The following CACNB4 variants were observed in gnomAD, a reference collection of about 807,000 sequenced individuals.
CACNB4 encodes voltage-dependent L-type calcium channel subunit beta-4.
CACNB4 carries 32 observed loss-of-function variants against 71.2 expected under a neutral mutation model. The observed-to-expected ratio is 0.45, with a 90% CI of 0.34 to 0.60. The LOEUF is 0.60. Among genes scored for constraint, CACNB4 ranks in the 20% least tolerant of loss-of-function variants. The pLI is 0.01. For synonymous variants in CACNB4, 231 were observed against 236.9 expected (o/e 0.97, Z 0.23); for missense variants, 464 against 647.9 (o/e 0.72, Z 3.08).
At position 151,836,490 on chromosome 2, in the gene CACNB4, T is replaced by TA. The variant is rs1233944441; in HGVS notation, c.*2628dup. On this transcript the variant is annotated 3_prime_UTR_variant, in exon 14 of 14. Transcript: ENST00000539935. ...TGTATATCCCCTTATTTGAGGAAGA[T>TA]AAACTTATTACAGAAAGAAGGGGAA... 1.3e-5 allele frequency: 2 copies of TA among 151,840 alleles called. No homozygotes were observed. The highest frequency in any genetic ancestry group is 6.6e-5 in the Admixed American group (1 of 15,240). 9.4% of individuals were successfully genotyped at this position (151,840 alleles called of 1,614,324 possible). A position where few individuals can be genotyped will look rare whatever the true frequency, so the allele number is the denominator to read the frequency against.
rs547338749 is a variant in CACNB4 at position 151,942,237 on chromosome 2, C to A, written c.148-58867G>T. Reference sequence around the variant, plus strand: ...GTGCTGTGTTGCAGGAAGTCAGGGACCCCAAATGGAGGGACTGGCTGGAGC... The same window carrying A: ...GTGCTGTGTTGCAGGAAGTCAGGGAACCCAAATGGAGGGACTGGCTGGAGC... On this transcript the variant is annotated intron_variant, in intron 2 of 13. Transcript: ENST00000539935. Among the ~76,000 whole-genome samples, 3 of 149,278 alleles carry A rather than the reference C, an allele frequency of 2.0e-5. No homozygotes were observed. The South Asian group carries it at 6.2e-4, about 31-fold the overall frequency.
intron 12 of CACNB4, among the ~76,000 whole-genome samples, chr2:151,848,380 G>A (rs1237276001): frequency 6.6e-6 from 1 of 152,186 alleles, no homozygotes; most frequent in East Asian, 1.9e-4. Flanking sequence ...ACATCCAGGG[G>A]CTGTGAATAA....
chr2:152,076,501 G>C (rs1476919233), intron 2 of CACNB4, among the ~76,000 whole-genome samples: 1 of 151,930 alleles, frequency 6.6e-6, no homozygotes, highest in Non-Finnish European at 1.5e-5. Flanking sequence ...ACTGTAGTTT[G>C]TGTTTGGGCT....
intron 2 of CACNB4, among the ~76,000 whole-genome samples, chr2:152,096,828 T>C (rs1688293500): frequency 6.6e-6 from 1 of 152,188 alleles, no homozygotes; most frequent in African/African-American, 2.4e-5. Flanking sequence ...AATAAAGCAT[T>C]AGTGCAGTTA....
At chr2:151,953,637 T>C (rs1309203193) in intron 2 of CACNB4, among the ~76,000 whole-genome samples, 4 of 152,174 alleles carry the variant, frequency 2.6e-5, no homozygotes, top group Non-Finnish European at 5.9e-5. Context: ...TAAGTCCAGT[T>C]CTTTTTACAA....
At chr2:152,081,079 C>T (rs1687332978) in intron 2 of CACNB4, among the ~76,000 whole-genome samples, 1 of 152,126 alleles carries the variant, frequency 6.6e-6, no homozygotes, top group Non-Finnish European at 1.5e-5. Flanking sequence ...CTCAGGTATT[C>T]TTTTATAGCA....
At chr2:151,938,279 T>C (rs2099863423) in intron 2 of CACNB4, among the ~76,000 whole-genome samples, 1 of 152,234 alleles carries the variant, frequency 6.6e-6, no homozygotes, top group Admixed American at 6.5e-5. Context: ...CCTGGCCAAC[T>C]ATGTCAACTC....
chr2:152,005,498 C>G (rs1682670951), intron 2 of CACNB4, among the ~76,000 whole-genome samples: 1 of 152,146 alleles, frequency 6.6e-6, no homozygotes, highest in Admixed American at 6.5e-5. Flanking sequence ...AAGATGGGAA[C>G]AAGAGACAAT....
At chr2:152,042,779 C>T (rs1684943340) in intron 2 of CACNB4, among the ~76,000 whole-genome samples, 1 of 152,016 alleles carries the variant, frequency 6.6e-6, no homozygotes, top group Non-Finnish European at 1.5e-5. Flanking sequence ...AGGCCGAGAC[C>T]TACTGGGCTG....
chr2:152,077,282 C>T (rs551530695), intron 2 of CACNB4, among the ~76,000 whole-genome samples: 3 of 152,228 alleles, frequency 2.0e-5, no homozygotes, highest in South Asian at 2.1e-4. Context: ...TGGCCAGGCA[C>T]GGTGGCTCAT....
At chr2:151,995,029 T>C (rs897245569) in intron 2 of CACNB4, among the ~76,000 whole-genome samples, 1 of 152,188 alleles carries the variant, frequency 6.6e-6, no homozygotes, top group African/African-American at 2.4e-5. Context: ...AACAAGGAAT[T>C]AAATAAATTT....
rs560089298 is a variant in CACNB4, at chr2:151,914,042, T to A, written c.148-30672A>T. 2.5e-4 allele frequency among the ~76,000 whole-genome samples: 38 copies of A among 152,318 alleles called. No individual in the cohort carries two copies. In the East Asian group the frequency reaches 6.0e-3, roughly 24 times the overall value. On this transcript the variant is annotated intron_variant, in intron 2 of 13. Transcript: ENST00000539935. Reference sequence around the variant, plus strand: ...GCCTGTCTTGCTAGGTTGGGGAAGTTCTCCTGGATAATAACCTGAAGTGTG... The same window carrying A: ...GCCTGTCTTGCTAGGTTGGGGAAGTACTCCTGGATAATAACCTGAAGTGTG...
chr2:151,980,246 C>T (rs1020335698), intron 2 of CACNB4, among the ~76,000 whole-genome samples: 12 of 152,248 alleles, frequency 7.9e-5, no homozygotes, highest in African/African-American at 2.6e-4. Context: ...CTTTCGGTGG[C>T]TTCCCATCGA....
rs150853346 is a variant in CACNB4 at position 152,083,085 on chromosome 2, G to C, written c.147+15245C>G. On this transcript the variant is annotated intron_variant, in intron 2 of 13. Transcript: ENST00000539935. ...TAGGAAACTGCCCTCCCCAATCTCA[G>C]CCACTGTGGGGCTGACCTCAATCTC... Among the ~76,000 whole-genome samples, 1,195 of 152,262 alleles carry C rather than the reference G, an allele frequency of 7.8e-3. 8 individuals carry two copies. The highest frequency in any genetic ancestry group is 0.015 in the Non-Finnish European group (1,000 of 68,012).
chr2:152,019,337 C>T (rs573203352), intron 2 of CACNB4, among the ~76,000 whole-genome samples: 10 of 152,272 alleles, frequency 6.6e-5, no homozygotes, highest in South Asian at 2.1e-4. Flanking sequence ...CTCACTTCTA[C>T]GTTTGATGGT....
At chr2:151,906,921 T>C (rs542561536) in intron 2 of CACNB4, among the ~76,000 whole-genome samples, 1 of 152,316 alleles carries the variant, frequency 6.6e-6, no homozygotes, top group Middle Eastern at 3.4e-3. Context: ...CTGATAACCT[T>C]TTTCAGGCTT....
chr2:151,883,526 A>G (rs759054198), intron 2 of CACNB4, 156 bp from the exon 3 acceptor site: 1 of 704,962 alleles, frequency 1.4e-6, no homozygotes, highest in South Asian at 1.6e-5. Flanking sequence ...GGCAGAATAT[A>G]GTTAAGCATC....
intron 2 of CACNB4, among the ~76,000 whole-genome samples, chr2:152,040,760 G>T (rs1684833739): frequency 6.6e-6 from 1 of 152,132 alleles, no homozygotes; most frequent in East Asian, 1.9e-4. Flanking sequence ...AATTTAAAAA[G>T]AAGTTTTCAA....
intron 2 of CACNB4, among the ~76,000 whole-genome samples, chr2:152,068,508 T>A (rs1295184051): frequency 6.6e-6 from 1 of 152,166 alleles, no homozygotes; most frequent in African/African-American, 2.4e-5. Context: ...CGGGAGTGGT[T>A]TTAGACCAGG....
Sources: allele counts gnomAD v4.1 joint callset (sites outside exome capture counted in the v4.1 genomes callset), GRCh38; gene constraint gnomAD v4.1.1; transcripts MANE v1.5; gene names NCBI Gene and HGNC (gene_info 2026-07-23, HGNC 2026-07-21).